The following ZNF337 variants were observed in gnomAD, a reference collection of about 807,000 sequenced individuals.
ZNF337 encodes zinc finger protein 337.
In ZNF337, 8 loss-of-function variants were observed where a neutral mutation model predicts 12.1. That is an observed-to-expected ratio of 0.66 (90% CI 0.39 to 1.19). ZNF337 has a LOEUF of 1.19. Among genes scored for constraint, ZNF337 ranks in the 50% most tolerant of loss-of-function variants. ZNF337 has a pLI of 0.01. For synonymous variants in ZNF337, 336 were observed against 320.0 expected, an observed-to-expected ratio of 1.05 and a Z score of -0.53; for missense variants, 882 against 896.6, an observed-to-expected ratio of 0.98 and a Z score of 0.21.
chr20:25,676,530 CT>C lies in ZNF337; in HGVS notation c.757del (p.Arg253AspfsTer59). 2 of 1,613,262 alleles carry C rather than the reference CT, an allele frequency of 1.2e-6. No individual in the cohort carries two copies. The highest frequency in any genetic ancestry group is 1.7e-6 in the Non-Finnish European group (2 of 1,179,770). ...CTCTCCTGAGTGTGTCCTCTGGTGT[CT>C]GAGGAGGTTGGCCTTGAGGCTGAAG... Reference protein sequence around the residue: ...RGFSLKANLLRHQRTHSGEKP... With the variant: ...RGFSLKANLLXHQRTHSGEKP... On this transcript the variant is annotated frameshift_variant, in exon 5 of 5. Transcript: ENST00000252979. LOFTEE classifies it low-confidence loss of function (END_TRUNC).
At chr20:25,685,812 A>AG in intron 3 of ZNF337, 150 bp from the exon 4 acceptor site, 1 of 1,179,948 alleles carries the variant, frequency 8.5e-7, no homozygotes. Flanking sequence ...ACAAACCCCC[A>AG]GGGGGAGCCC....
chr20:25,692,785 T>A (rs186559754), intron 1 of ZNF337, among the ~76,000 whole-genome samples: 30 of 152,158 alleles, frequency 2.0e-4, no homozygotes, highest in Non-Finnish European at 2.9e-5. Context: ...AAATTAGATA[T>A]GAATATGAGG....
rs2065681395 is a variant in ZNF337 at position 25,676,064 on chromosome 20, A to C, written c.1224T>G (p.Asp408Glu). The C allele has an allele frequency of 1.2e-6, 2 of 1,604,644 alleles. No homozygotes were observed. The highest frequency in any genetic ancestry group is 1.7e-6 in the Non-Finnish European group (2 of 1,176,454). ...ACTTTTGGCTAAAGCTTCGCTCACA[A>C]TCCTTGCACACAAAAGGCTTCTCCC... ...HSGEKPFVCKDCERSFSQKST... is the reference protein window; with the variant it reads ...HSGEKPFVCKECERSFSQKST... Residue 408 changes from aspartate to glutamate, a missense_variant, in exon 5 of 5, where the codon GAT becomes GAG. Coordinates refer to ENST00000252979, the MANE Select transcript of ZNF337 (RefSeq NM_015655.4).
At chr20:25,685,826 T>C (rs570738867) in intron 3 of ZNF337, among the ~76,000 whole-genome samples, 164 bp from the exon 4 acceptor site, 1 of 152,234 alleles carries the variant, frequency 6.6e-6, no homozygotes, top group South Asian at 2.1e-4. Context: ...GGAGCCCCAG[T>C]GTGGGGAAAG....
In ZNF337 at chr20:25,696,803, G is replaced by T. The variant is rs1345797888; in HGVS notation, c.-94C>A. On this transcript the variant is annotated 5_prime_UTR_variant, in exon 1 of 5. Coordinates refer to ENST00000252979, the MANE Select transcript of ZNF337 (RefSeq NM_015655.4). ...CCGAGGCGGTGAGGTCACCGATGGT[G>T]GACCACGCATCTCACGGCTCGCTGA... is the stretch of plus-strand genomic sequence containing the variant. 10 of 985,522 alleles carry T rather than the reference G, an allele frequency of 1.0e-5. No individual in the cohort carries two copies. The African/African-American group carries it at 1.6e-4, about 15-fold the overall frequency. The allele number at this position is 985,522 out of a possible 1,614,324, so 61.0% of individuals were successfully genotyped here. A position where few individuals can be genotyped will look rare whatever the true frequency, so the allele number is the denominator to read the frequency against.
intron 2 of ZNF337, 131 bp downstream of exon 2, chr20:25,686,260 C>A (rs933253045): frequency 4.7e-6 from 7 of 1,489,684 alleles, no homozygotes; most frequent in Middle Eastern, 1.9e-4. Flanking sequence ...CTGGAGGACG[C>A]CAGGAAAGAC....
At chr20:25,692,419 G>A (rs1190877846) in intron 1 of ZNF337, among the ~76,000 whole-genome samples, 1 of 152,086 alleles carries the variant, frequency 6.6e-6, no homozygotes, top group Non-Finnish European at 1.5e-5. Flanking sequence ...GTCTTGGATT[G>A]GCTTCAAGAT....
At chr20:25,678,740 G>A (rs2065734985) in intron 4 of ZNF337, among the ~76,000 whole-genome samples, 1 of 152,060 alleles carries the variant, frequency 6.6e-6, no homozygotes, top group Non-Finnish European at 1.5e-5. Context: ...GAGGCTAGGA[G>A]TTCGAGTCCA....
Position 25,685,987 on chromosome 20 carries a change from C to T in ZNF337, c.154+9G>A, listed in dbSNP as rs887327181. 2.0e-5 allele frequency: 32 copies of T among 1,604,052 alleles called. No homozygotes were observed. The highest frequency in any genetic ancestry group is 1.2e-4 in the Admixed American group (7 of 56,082). On this transcript the variant is annotated intron_variant, in intron 3 of 4. Coordinates refer to ENST00000252979, the MANE Select transcript of ZNF337 (RefSeq NM_015655.4). ...GCCAAATGTTAGGCTCGAGGGAAGCCACGCTTACCTAGTGAGACCAGGTGG... is the reference window on the plus strand; with the variant it reads ...GCCAAATGTTAGGCTCGAGGGAAGCTACGCTTACCTAGTGAGACCAGGTGG...
intron 2 of ZNF337, 46 bp downstream of exon 2, chr20:25,686,345 G>T: frequency 6.4e-7 from 1 of 1,558,816 alleles, no homozygotes; most frequent in South Asian, 1.1e-5. Context: ...TGAAGGAAAT[G>T]GGCCCATCCT....
At position 25,674,096 on chromosome 20, in the gene ZNF337, C is replaced by T. The variant is rs1441787675; in HGVS notation, c.*936G>A. 1 of 152,174 alleles carries T rather than the reference C, an allele frequency of 6.6e-6. No individual in the cohort carries two copies. Among genetic ancestry groups the T allele is most frequent in the East Asian group, 1.9e-4 (1 of 5,200 alleles). 9.4% of individuals were successfully genotyped at this position (152,174 alleles called of 1,614,324 possible). On this transcript the variant is annotated 3_prime_UTR_variant, in exon 5 of 5. Transcript: ENST00000252979. ...TGTTGGAGGGAGTTCTCTGCAAAGA[C>T]CAATATGGGACTGCATATACAGAGA...
chr20:25,695,468 C>T (rs919657863), intron 1 of ZNF337, among the ~76,000 whole-genome samples: 1 of 152,214 alleles, frequency 6.6e-6, no homozygotes, highest in African/African-American at 2.4e-5. Context: ...CTAAAGAATC[C>T]CTAAGTGCCC....
Position 25,675,107 on chromosome 20 carries a change from G to C in ZNF337, c.2181C>G (p.Tyr727Ter). The C allele has an allele frequency of 1.2e-6, 2 of 1,614,158 alleles. No homozygotes were observed. Among genetic ancestry groups the C allele is most frequent in the Non-Finnish European group, 1.7e-6 (2 of 1,180,042 alleles). The change falls in exon 5 of 5, where the codon TAC (tyrosine) becomes TAG (stop). Residue 727 changes from tyrosine (Y) to a stop codon, truncating the protein, a stop_gained. Transcript: ENST00000252979. LOFTEE classifies it low-confidence loss of function (END_TRUNC). The stretch of plus-strand genomic sequence containing the variant: ...AGTGTCTCTTTAAGTGCTTACTGTA[G>C]TATGACTTATTGCTAAACTTTCGTC... ...ECGRKFSNKS[Y>*]YSKHLKRHLR...
At chr20:25,690,634 G>A (rs188274319) in intron 1 of ZNF337, among the ~76,000 whole-genome samples, 34 of 152,306 alleles carry the variant, frequency 2.2e-4, no homozygotes, top group East Asian at 2.1e-3. Flanking sequence ...AAGAGCAGAT[G>A]CCTGGGGCAA....
At position 25,675,458 on chromosome 20, in the gene ZNF337, GAT is replaced by G. The variant is rs777604128; in HGVS notation, c.1828_1829del (p.Ile610LeufsTer49). On this transcript the variant is annotated frameshift_variant, in exon 5 of 5. Coordinates refer to ENST00000252979, the MANE Select transcript of ZNF337 (RefSeq NM_015655.4). LOFTEE classifies it low-confidence loss of function (END_TRUNC). ...FICSECGQGFIWKSNLVKHQL... is the reference protein window; with the variant it reads ...FICSECGQGFXWKSNLVKHQL... ...GGTGTTTCACAAGATTTGACTTCCA[GAT>G]AAATCCTTGCCCACATTCACTACAG... The G allele has an allele frequency of 6.2e-7, 1 of 1,614,020 alleles. No individual in the cohort carries two copies. The highest frequency in any genetic ancestry group is 1.3e-5 in the African/African-American group (1 of 74,974).
At position 25,676,464 on chromosome 20, in the gene ZNF337, C is replaced by A; in HGVS notation, c.824G>T (p.Ser275Ile). Residue 275 changes from serine to isoleucine, a missense_variant, in exon 5 of 5, where the codon AGT becomes ATT. Transcript: ENST00000252979. ...LCKVCGRGYT[S>I]KSYLTVHERT... ...CTCATGCACAGTGAGGTATGACTTA[C>A]TGGTATAGCCTCGTCCACACACCTT... The A allele has an allele frequency of 6.2e-7, 1 of 1,611,296 alleles. No individual in the cohort carries two copies. Among genetic ancestry groups the A allele is most frequent in the Non-Finnish European group, 8.5e-7 (1 of 1,179,122 alleles).
At chr20:25,679,427 T>G (rs1315424574) in intron 4 of ZNF337, among the ~76,000 whole-genome samples, 2 of 152,198 alleles carry the variant, frequency 1.3e-5, no homozygotes, top group Non-Finnish European at 1.5e-5. Flanking sequence ...AGTATTCATC[T>G]TACAAGGGAC....
At chr20:25,679,750 C>T (rs943945968) in intron 4 of ZNF337, among the ~76,000 whole-genome samples, 3 of 152,010 alleles carry the variant, frequency 2.0e-5, no homozygotes, top group Non-Finnish European at 4.4e-5. Flanking sequence ...TATGGAGGTT[C>T]CTTAAAAAAC....
chr20:25,682,973 C>T (rs2065785265), intron 4 of ZNF337, among the ~76,000 whole-genome samples: 2 of 152,142 alleles, frequency 1.3e-5, no homozygotes, highest in Non-Finnish European at 2.9e-5. Flanking sequence ...AATCTGTCCA[C>T]ACATTCTCCA....
Sources: gnomAD v4.1 joint callset for allele counts (sites outside exome capture counted in the v4.1 genomes callset) on GRCh38, gnomAD v4.1.1 for gene constraint, MANE v1.5 for transcripts, NCBI Gene and HGNC (gene_info 2026-07-23, HGNC 2026-07-21) for gene names.